Variants in ANHX observed in about 807,000 individuals in gnomAD.
ANHX encodes anomalous homeobox, also known as anomalous homeobox protein.
A neutral mutation model predicts 38.9 loss-of-function variants in ANHX; 20 were observed. The ratio of observed to expected loss-of-function variants is 0.51; its 90% confidence interval spans 0.36 to 0.75. The LOEUF (loss-of-function observed/expected upper bound fraction) is 0.75. Ranked by LOEUF, ANHX falls within the 30% of genes least tolerant of loss-of-function variation. The pLI is 0.00. For synonymous variants in ANHX, 185 were observed against 203.1 expected (o/e 0.91, Z 0.76); for missense variants, 475 against 493.1 (o/e 0.96, Z 0.35).
At chr12:133,229,083 A>G (rs1408855463) in intron 3 of ANHX, among the ~76,000 whole-genome samples, 1 of 152,062 alleles carries the variant, frequency 6.6e-6, no homozygotes, top group Non-Finnish European at 1.5e-5. Context: ...TCTCAGCTGA[A>G]TCTTCCTCAT....
intron 8 of ANHX, among the ~76,000 whole-genome samples, chr12:133,219,669 G>A (rs1172382916): frequency 3.9e-5 from 6 of 152,278 alleles, no homozygotes; most frequent in Middle Eastern, 3.4e-3. Flanking sequence ...AGGAAGAGCC[G>A]GGATGCACGG....
intron 3 of ANHX, among the ~76,000 whole-genome samples, chr12:133,230,051 T>G (rs900069710): frequency 6.6e-6 from 1 of 152,182 alleles, no homozygotes; most frequent in Non-Finnish European, 1.5e-5. Context: ...GCAGCCAACC[T>G]TGCACAGCCC....
intron 1 of ANHX, 155 bp from the exon 2 acceptor site, chr12:133,234,533 G>A: frequency 1.2e-6 from 1 of 807,160 alleles, no homozygotes; most frequent in Non-Finnish European, 1.9e-6. Context: ...CCGAGAGAGG[G>A]CAGCACCATA....
At position 133,221,598 on chromosome 12, in the gene ANHX, T is replaced by G. The variant is rs1474196161; in HGVS notation, c.1133-246A>C. Among the ~76,000 whole-genome samples, 1 of 152,180 alleles carries G rather than the reference T, an allele frequency of 6.6e-6. No individual in the cohort carries two copies. The highest frequency in any genetic ancestry group is 2.4e-5 in the African/African-American group (1 of 41,444). On this transcript the variant is annotated intron_variant, in intron 7 of 9. Coordinates refer to ENST00000545940, the MANE Select transcript of ANHX (RefSeq NM_001372060.1). The surrounding 1 kb of genome is among the most constrained non-coding windows in gnomAD (Gnocchi z 4.1). The stretch of plus-strand genomic sequence containing the variant: ...AAGACACGGTTGCTTCTGCTGACTT[T>G]AAATGCTGCTGTCATCGCAGACCTC...
chr12:133,234,732 A>C (rs887599280), intron 1 of ANHX: 3 of 232,640 alleles, frequency 1.3e-5, no homozygotes, highest in Non-Finnish European at 2.6e-5. Flanking sequence ...GAACCCACAT[A>C]CATGCACTTG....
chr12:133,226,931 C>G lies in ANHX; in HGVS notation c.718+5G>C. ...CAAGGAGACTGGGGCCCTCAGGCCA[C>G]TCACCTGACCACTGAGGCCTGTCCA... On this transcript the variant is annotated splice_donor_5th_base_variant and intron_variant, in intron 5 of 9. Transcript: ENST00000545940. 6.6e-7 allele frequency: 1 copy of G among 1,511,040 alleles called. No homozygotes were observed. 93.6% of individuals were successfully genotyped at this position (1,511,040 alleles called of 1,614,324 possible).
rs567169597 is a variant in ANHX at position 133,227,506 on chromosome 12, C to T, written c.501+318G>A. ...CCACACTGCCTGTGCCTGGCACAAA[C>T]CCACTGTGCAGTGGAGAGCATGTCA... On this transcript the variant is annotated intron_variant, in intron 4 of 9. Transcript: ENST00000545940. Among the ~76,000 whole-genome samples, 151 of 152,338 alleles carry T rather than the reference C, an allele frequency of 9.9e-4. No homozygotes were observed. In the Middle Eastern group the frequency reaches 0.01, roughly 10 times the overall value.
Position 133,218,825 on chromosome 12 carries a change from G to C in ANHX, c.*60C>G, listed in dbSNP as rs1487243224. On this transcript the variant is annotated 3_prime_UTR_variant, in exon 10 of 10. Transcript: ENST00000545940. ...ATAAAGCTCTGTAACTCCTTGTGTT[G>C]ACCAGGCAGACCATCCACACCCGCT... 7.7e-7 allele frequency: 1 copy of C among 1,293,942 alleles called. No individual in the cohort carries two copies. The highest frequency in any genetic ancestry group is 1.5e-5 in the African/African-American group (1 of 66,986). The allele number at this position is 1,293,942 out of a possible 1,614,324, so 80.2% of individuals were successfully genotyped here. A position where few individuals can be genotyped will look rare whatever the true frequency, so the allele number is the denominator to read the frequency against.
At chr12:133,229,411 C>A (rs895442169) in intron 3 of ANHX, among the ~76,000 whole-genome samples, 2 of 152,110 alleles carry the variant, frequency 1.3e-5, no homozygotes, top group Non-Finnish European at 1.5e-5. Context: ...CTCCATCCCC[C>A]CTCTCCAGAC....
In ANHX at chr12:133,224,733, AGGCG is replaced by A. The variant is rs780090091; in HGVS notation, c.1132+799_1132+802del. On this transcript the variant is annotated intron_variant, in intron 7 of 9. Coordinates refer to ENST00000545940, the MANE Select transcript of ANHX (RefSeq NM_001372060.1). Reference sequence around the variant, plus strand: ...GTAATCCCAGCACTTTGGGAGGCCGAGGCGGGCGGATCATGAGGTCAGGAGATCA... The same window carrying A: ...GTAATCCCAGCACTTTGGGAGGCCGAGGCGGATCATGAGGTCAGGAGATCA... Among the ~76,000 whole-genome samples, 6 of 150,508 alleles carry A rather than the reference AGGCG, an allele frequency of 4.0e-5. No individual in the cohort carries two copies. The East Asian group carries it at 9.8e-4, about 25-fold the overall frequency.
In ANHX at chr12:133,226,439, C is replaced by G; in HGVS notation, c.719-1G>C. The G allele has an allele frequency of 6.5e-7, 1 of 1,533,064 alleles. No homozygotes were observed. The highest frequency in any genetic ancestry group is 8.7e-7 in the Non-Finnish European group (1 of 1,144,844). 95.0% of individuals were successfully genotyped at this position (1,533,064 alleles called of 1,614,324 possible). On this transcript the variant is annotated splice_acceptor_variant, in intron 5 of 9. Coordinates refer to ENST00000545940, the MANE Select transcript of ANHX (RefSeq NM_001372060.1). LOFTEE classifies it high-confidence loss of function. ...GGAGGCCCCTTTTCCTCACGTTCCT[C>G]TGAAAGTGATGAGATGGGAGGGGAG...
rs541042728 is a variant in ANHX, at chr12:133,221,475, G to A, written c.1133-123C>T. 102 of 1,143,666 alleles carry A rather than the reference G, an allele frequency of 8.9e-5. No homozygotes were observed. Among genetic ancestry groups the A allele is most frequent in the Middle Eastern group, 3.0e-4 (1 of 3,342 alleles). 70.8% of individuals were successfully genotyped at this position (1,143,666 alleles called of 1,614,324 possible). On this transcript the variant is annotated intron_variant, in intron 7 of 9. Coordinates refer to ENST00000545940, the MANE Select transcript of ANHX (RefSeq NM_001372060.1). The surrounding 1 kb of genome is among the most constrained non-coding windows in gnomAD (Gnocchi z 4.1). ...CTCCGGCCCAGCCAGCCCGCGCCAC[G>A]TGAACCAGACTCACGGTCCCTGGGC...
In ANHX at chr12:133,221,171, G is replaced by C; in HGVS notation, c.1280+34C>G. On this transcript the variant is annotated intron_variant, in intron 8 of 9. Transcript: ENST00000545940. This position sits in a 1 kb window ranked among gnomAD's most constrained non-coding sequence, Gnocchi z 4.1. ...TACCCTATCTTGTGGCCTGTGGAAA[G>C]GACTGTCCAGGCCTGTGGCTCTTCA... The C allele has an allele frequency of 6.5e-7, 1 of 1,534,112 alleles. No homozygotes were observed. Among genetic ancestry groups the C allele is most frequent in the Non-Finnish European group, 8.7e-7 (1 of 1,145,718 alleles).
intron 7 of ANHX, among the ~76,000 whole-genome samples, chr12:133,223,949 C>T (rs947982780): frequency 1.3e-5 from 2 of 152,084 alleles, no homozygotes; most frequent in African/African-American, 4.8e-5. Flanking sequence ...AAATTGTTAA[C>T]CAAACTTGAA....
At position 133,218,765 on chromosome 12, in the gene ANHX, AGG is replaced by A; in HGVS notation, c.*118_*119del. On this transcript the variant is annotated 3_prime_UTR_variant, in exon 10 of 10. Transcript: ENST00000545940. ...ATCTCTGCTTTTCAGCAGAGCCCCC[AGG>A]GGAACTCTGGGGACCTTCATTTTGT... The A allele has an allele frequency of 1.5e-6, 1 of 656,244 alleles. No homozygotes were observed. The highest frequency in any genetic ancestry group is 3.1e-5 in the East Asian group (1 of 31,794). 40.7% of individuals were successfully genotyped at this position (656,244 alleles called of 1,614,324 possible).
chr12:133,226,679 C>T (rs553992895), intron 5 of ANHX, among the ~76,000 whole-genome samples: 1 of 152,212 alleles, frequency 6.6e-6, no homozygotes, highest in African/African-American at 2.4e-5. Context: ...CCTCTGGCCA[C>T]ACGATGCCCT....
Position 133,234,210 on chromosome 12 carries a change from G to C in ANHX, c.147C>G (p.Ser49Arg). ...LQPLVTAILD[S>R]QLRLHLLDNA... ...TGTCCAGGAGATGCAGGCGGAGCTG[G>C]CTGTCCAGAATGGCTGTGACCAAAG... The change falls in exon 2 of 10, where the codon AGC becomes AGG. Residue 49 changes from serine (S) to arginine (R), a missense_variant. Coordinates refer to ENST00000545940, the MANE Select transcript of ANHX (RefSeq NM_001372060.1). The C allele has an allele frequency of 6.5e-7, 1 of 1,536,184 alleles. No homozygotes were observed. Among genetic ancestry groups the C allele is most frequent in the South Asian group, 1.2e-5 (1 of 84,068 alleles).
intron 7 of ANHX, among the ~76,000 whole-genome samples, chr12:133,224,560 G>A (rs1957157549): frequency 6.6e-6 from 1 of 151,678 alleles, no homozygotes; most frequent in Admixed American, 6.6e-5. Flanking sequence ...CTACTCGGGA[G>A]GCTGAGGCAG....
At chr12:133,224,143 G>A (rs920626315) in intron 7 of ANHX, among the ~76,000 whole-genome samples, 12 of 152,124 alleles carry the variant, frequency 7.9e-5, no homozygotes, top group African/African-American at 2.7e-4. Context: ...GGAGCACTGG[G>A]GACAATAGCT....
Sources: allele counts gnomAD v4.1 joint callset (sites outside exome capture counted in the v4.1 genomes callset), GRCh38; gene constraint gnomAD v4.1.1; non-coding constraint Gnocchi (gnomAD v3.1); transcripts MANE v1.5; gene names NCBI Gene and HGNC (gene_info 2026-07-23, HGNC 2026-07-21).